The following COL5A1 variants were observed in gnomAD, a reference collection of about 807,000 sequenced individuals.
COL5A1 encodes the protein collagen type V alpha 1 chain, also known as collagen alpha-1(V) chain.
COL5A1 carries 16 observed loss-of-function variants against 263.7 expected under a neutral mutation model. The ratio of observed to expected loss-of-function variants is 0.06; its 90% CI spans 0.04 to 0.09. COL5A1 has a LOEUF of 0.09. COL5A1 is among the 10% of genes least tolerant of loss of function. The pLI, the probability that COL5A1 is intolerant of heterozygous loss-of-function variation, is 1.00. For synonymous variants in COL5A1, 1,012 were observed against 1,004.5 expected (o/e 1.01, Z -0.14); for missense variants, 2,036 against 2,540.5 (o/e 0.80, Z 4.27).
chr9:134,658,601 CGGAGA>C (rs145677903), intron 1 of COL5A1, among the ~76,000 whole-genome samples: 4,695 of 152,330 alleles, frequency 0.031, 153 homozygotes, highest in African/African-American at 0.079. Context: ...TTGCAGGCCC[CGGAGA>C]GGGGCTATAG....
chr9:134,684,155 C>T (rs1356128888), intron 1 of COL5A1, among the ~76,000 whole-genome samples: 3 of 152,246 alleles, frequency 2.0e-5, no homozygotes, highest in Admixed American at 6.5e-5. Flanking sequence ...TCCAGCAGGG[C>T]AGGCTGTGAC....
At chr9:134,767,660 C>G (rs557167606) in intron 24 of COL5A1, among the ~76,000 whole-genome samples, 1 of 152,320 alleles carries the variant, frequency 6.6e-6, no homozygotes, top group African/African-American at 2.4e-5. Context: ...ATCTGAAATT[C>G]AAATTTAACC....
chr9:134,783,782 C>T (rs1837351042), intron 29 of COL5A1, among the ~76,000 whole-genome samples: 1 of 152,226 alleles, frequency 6.6e-6, no homozygotes, highest in African/African-American at 2.4e-5. Context: ...ATCTCTTGCG[C>T]AATGTTGTCC....
chr9:134,838,197 C>G (rs1839910317), intron 65 of COL5A1, among the ~76,000 whole-genome samples: 3 of 152,204 alleles, frequency 2.0e-5, no homozygotes. Flanking sequence ...TGATGGTGGA[C>G]AGCAGGCTGT....
At chr9:134,833,965 C>T (rs1286334147) in intron 64 of COL5A1, among the ~76,000 whole-genome samples, 2 of 152,136 alleles carry the variant, frequency 1.3e-5, no homozygotes, top group African/African-American at 4.8e-5. Context: ...GAGGAGCCTT[C>T]CCTAGGAGCA....
At chr9:134,778,396 C>T (rs994785140) in intron 27 of COL5A1, among the ~76,000 whole-genome samples, 1 of 152,240 alleles carries the variant, frequency 6.6e-6, no homozygotes, top group African/African-American at 2.4e-5. Flanking sequence ...AGCCTCCTCG[C>T]GGCTTGGCTG....
At chr9:134,708,413 A>G (rs1833914949) in intron 4 of COL5A1, 3 of 391,160 alleles carry the variant, frequency 7.7e-6, no homozygotes, top group Middle Eastern at 9.9e-4. Flanking sequence ...GGCTCAGAGC[A>G]ACTCCCGGGG....
Position 134,776,050 on chromosome 9 carries a change from G to A in COL5A1, c.2385+1138G>A, listed in dbSNP as rs147452305. On this transcript the variant is annotated intron_variant, in intron 27 of 65. Transcript: ENST00000371817. ...AGGCTGCTGTCAGAAATCAAACCAG[G>A]TTCCAAATCAAGTGCCCCACCCTTG... Among the ~76,000 whole-genome samples, 133 of 152,172 alleles carry A rather than the reference G, an allele frequency of 8.7e-4. 1 individual carries two copies. In the East Asian group the frequency reaches 0.017, roughly 19 times the overall value.
intron 48 of COL5A1, 38 bp from the exon 49 acceptor site, chr9:134,813,945 G>C: frequency 6.5e-7 from 1 of 1,549,086 alleles, no homozygotes; most frequent in Non-Finnish European, 8.7e-7. Context: ...TCATCGCGGT[G>C]CTCACCGCTG....
intron 34 of COL5A1, among the ~76,000 whole-genome samples, chr9:134,795,847 C>T (rs944365737): frequency 5.3e-5 from 8 of 152,358 alleles, no homozygotes; most frequent in South Asian, 2.1e-4. Context: ...CACTCCAGAG[C>T]GGGTTCCTGC....
At chr9:134,840,298 T>C (rs551061897) in intron 65 of COL5A1, among the ~76,000 whole-genome samples, 2 of 152,072 alleles carry the variant, frequency 1.3e-5, no homozygotes, top group African/African-American at 4.8e-5. Flanking sequence ...CAAGGCAGGG[T>C]TGTGAGAAGG....
chr9:134,756,122 C>T (rs971600259), intron 16 of COL5A1, among the ~76,000 whole-genome samples: 1 of 152,120 alleles, frequency 6.6e-6, no homozygotes, highest in Non-Finnish European at 1.5e-5. Flanking sequence ...GCACAGTGGG[C>T]CCCGGAAGGT....
chr9:134,687,474 TCATCCATC>T (rs1367118211), intron 1 of COL5A1, among the ~76,000 whole-genome samples: 1 of 150,666 alleles, frequency 6.6e-6, no homozygotes, highest in Non-Finnish European at 1.5e-5. Flanking sequence ...ATCCATCCAT[TCATCCATC>T]CATCCATCCA....
At chr9:134,668,197 C>A (rs911478815) in intron 1 of COL5A1, among the ~76,000 whole-genome samples, 1 of 152,230 alleles carries the variant, frequency 6.6e-6, no homozygotes, top group African/African-American at 2.4e-5. Context: ...AATGATCAAA[C>A]ATTGGCCATT....
rs373082634 is a variant in COL5A1 at position 134,842,136 on chromosome 9, A to G, written c.5371-21A>G. 61 of 1,613,934 alleles carry G rather than the reference A, an allele frequency of 3.8e-5. No homozygotes were observed. The highest frequency in any genetic ancestry group is 5.0e-5 in the Admixed American group (3 of 60,004). On this transcript the variant is annotated intron_variant, in intron 65 of 65. Coordinates refer to ENST00000371817, the MANE Select transcript of COL5A1 (RefSeq NM_000093.5). This position sits in a 1 kb window ranked among gnomAD's most constrained non-coding sequence, Gnocchi z 5.8. ...CCCCAACTGTTCTTAACCACCGGCCATCTGTCTCCCTCTTCCCCAGACCAA... is the reference window on the plus strand; with the variant it reads ...CCCCAACTGTTCTTAACCACCGGCCGTCTGTCTCCCTCTTCCCCAGACCAA...
chr9:134,706,729 T>G lies in COL5A1; in HGVS notation c.654+5396T>G, dbSNP rs559639047. On this transcript the variant is annotated intron_variant, in intron 4 of 65. Transcript: ENST00000371817. Reference sequence around the variant, plus strand: ...GACTCAGGCTGGCCTGACAGCACTGTGGGCCCCCGCCTGGCATTCTGTTCT... The same window carrying G: ...GACTCAGGCTGGCCTGACAGCACTGGGGGCCCCCGCCTGGCATTCTGTTCT... Among the ~76,000 whole-genome samples the G allele has an allele frequency of 7.5e-4, 115 of 152,320 alleles. 1 individual carries two copies. In the South Asian group the frequency reaches 0.023, roughly 31 times the overall value.
In COL5A1 at chr9:134,678,387, G is replaced by A. The variant is rs1055410739; in HGVS notation, c.110-12525G>A. 5.9e-5 allele frequency among the ~76,000 whole-genome samples: 9 copies of A among 152,208 alleles called. No homozygotes were observed. The highest frequency in any genetic ancestry group is 1.9e-4 in the African/African-American group (8 of 41,456). The stretch of plus-strand genomic sequence containing the variant: ...CAGCTGCCCCTCCCCCATGGTGCTC[G>A]GGTGCATGGATGGTGCCCAGGGTCC... On this transcript the variant is annotated intron_variant, in intron 1 of 65. Transcript: ENST00000371817. The surrounding 1 kb of genome is among the most constrained non-coding windows in gnomAD (Gnocchi z 5.5).
chr9:134,800,875 C>T (rs1838090418), intron 37 of COL5A1, among the ~76,000 whole-genome samples: 1 of 152,162 alleles, frequency 6.6e-6, no homozygotes, highest in South Asian at 2.1e-4. Flanking sequence ...TGAGGCCGCT[C>T]ACCCTCCAGC....
At chr9:134,795,451 T>A in intron 34 of COL5A1, 136 bp downstream of exon 34, 1 of 746,012 alleles carries the variant, frequency 1.3e-6, no homozygotes. Context: ...CTTAGGTGTG[T>A]TTAAGAAGCT....
Sources: gnomAD v4.1 joint callset for allele counts (sites outside exome capture counted in the v4.1 genomes callset) on GRCh38, gnomAD v4.1.1 for gene constraint, Gnocchi (gnomAD v3.1) non-coding constraint, MANE v1.5 for transcripts, NCBI Gene and HGNC (gene_info 2026-07-23, HGNC 2026-07-21) for gene names.